ERCC8: variants seen among roughly 807,000 people sequenced by gnomAD.
The protein encoded by ERCC8 is ERCC excision repair 8, CSA ubiquitin ligase complex subunit.
ERCC8 carries 52 observed loss-of-function variants against 54.9 expected under a neutral mutation model. The ratio of observed to expected loss-of-function variants is 0.95; its 90% confidence interval spans 0.76 to 1.19. ERCC8 has a LOEUF of 1.19. Ranked by LOEUF, ERCC8 falls within the 50% of genes most tolerant of loss-of-function variation. The pLI is 0.00. For synonymous variants in ERCC8, 146 were observed against 157.2 expected (o/e 0.93, Z 0.53); for missense variants, 514 against 466.1 (o/e 1.10, Z -0.95).
At chr5:60,900,982 T>C (rs942296195) in intron 7 of ERCC8, 3 of 151,948 alleles carry the variant, frequency 2.0e-5, no homozygotes, top group Non-Finnish European at 4.4e-5. Flanking sequence ...ATCATAAATT[T>C]CAACATCACA....
chr5:60,902,318 A>G (rs1248921822), intron 7 of ERCC8, 124 bp downstream of exon 7: 4 of 726,774 alleles, frequency 5.5e-6, no homozygotes, highest in African/African-American at 5.4e-5. Context: ...CTAAGTCAAT[A>G]CTTCATTTTA....
chr5:60,895,039 C>G (rs574013950), intron 9 of ERCC8, among the ~76,000 whole-genome samples: 1 of 151,828 alleles, frequency 6.6e-6, no homozygotes, highest in African/African-American at 2.4e-5. Context: ...GGCCTGGTGG[C>G]GGGTACCTGT....
At chr5:60,904,747 G>A in intron 5 of ERCC8, 45 bp downstream of exon 5, 1 of 1,231,906 alleles carries the variant, frequency 8.1e-7, no homozygotes, top group South Asian at 1.3e-5. Context: ...TAAAAAGGGA[G>A]AAAGTTTTCA....
Position 60,945,027 on chromosome 5 carries a change from C to G in ERCC8, c.-19G>C. ...CCAGCATATCGTGTCCTCACACCGG[C>G]TGGAGCACTGGACGTCGCCATGACA... On this transcript the variant is annotated 5_prime_UTR_variant, in exon 1 of 12. Coordinates refer to ENST00000676185, the MANE Select transcript of ERCC8 (RefSeq NM_000082.4). 1 of 1,607,630 alleles carries G rather than the reference C, an allele frequency of 6.2e-7. No homozygotes were observed. Among genetic ancestry groups the G allele is most frequent in the Non-Finnish European group, 8.5e-7 (1 of 1,174,092 alleles).
chr5:60,901,919 T>A (rs997704599), intron 7 of ERCC8, among the ~76,000 whole-genome samples: 2 of 152,076 alleles, frequency 1.3e-5, no homozygotes, highest in Non-Finnish European at 2.9e-5. Flanking sequence ...CTACCAGAGA[T>A]GTACCTCTAT....
intron 6 of ERCC8, 76 bp from the exon 7 acceptor site, chr5:60,902,584 G>T: frequency 8.2e-7 from 1 of 1,222,744 alleles, no homozygotes; most frequent in South Asian, 1.2e-5. Flanking sequence ...AATTTTGCCT[G>T]ATTCTGAAGA....
intron 11 of ERCC8, among the ~76,000 whole-genome samples, chr5:60,880,412 G>C (rs1000583283): frequency 6.6e-6 from 1 of 152,172 alleles, no homozygotes; most frequent in African/African-American, 2.4e-5. Context: ...ATGTTGGCCT[G>C]ACTTGCTAGA....
intron 11 of ERCC8, among the ~76,000 whole-genome samples, chr5:60,884,824 T>C (rs1400211844): frequency 6.6e-6 from 1 of 152,150 alleles, no homozygotes; most frequent in Admixed American, 6.5e-5. Context: ...TATATGAACA[T>C]GACATTTTAA....
intron 2 of ERCC8, among the ~76,000 whole-genome samples, chr5:60,925,942 G>A (rs1426251341): frequency 6.6e-6 from 1 of 152,122 alleles, no homozygotes; most frequent in Non-Finnish European, 1.5e-5. Flanking sequence ...TCCTGCCTCA[G>A]CCTCCAGAGT....
At chr5:60,932,196 A>C (rs187589876) in intron 1 of ERCC8, 1 of 152,430 alleles carries the variant, frequency 6.6e-6, no homozygotes, top group Non-Finnish European at 1.5e-5. Flanking sequence ...AATACTATAA[A>C]GGGAAAGAGA....
intron 4 of ERCC8, chr5:60,907,582 C>T (rs1749115859): frequency 6.6e-6 from 1 of 151,950 alleles, no homozygotes; most frequent in South Asian, 2.1e-4. Flanking sequence ...TGAGATTCCT[C>T]CCCATTTTTA....
At chr5:60,893,114 T>C in intron 9 of ERCC8, 1 of 778,616 alleles carries the variant, frequency 1.3e-6, no homozygotes, top group Non-Finnish European at 2.3e-6. Context: ...TGTTGCCTTC[T>C]GCCCATAGGA....
At chr5:60,893,573 A>C (rs1379847867) in intron 9 of ERCC8, 3 of 666,060 alleles carry the variant, frequency 4.5e-6, no homozygotes, top group Non-Finnish European at 2.8e-6. Context: ...TCTAAGTTTC[A>C]TCATCATGAT....
chr5:60,904,630 GTGTGTATATATATATATATATATA>G (rs1435219954), intron 5 of ERCC8, among the ~76,000 whole-genome samples, 138 bp downstream of exon 5: 53 of 44,580 alleles, frequency 1.2e-3, no homozygotes, highest in Admixed American at 1.8e-3. Context: ...TAGTGTGTGT[GTGTGTATATATATATATATATATA>G]TATATATATA....
At chr5:60,893,457 G>T in intron 9 of ERCC8, 1 of 959,088 alleles carries the variant, frequency 1.0e-6, no homozygotes, top group Non-Finnish European at 1.7e-6. Flanking sequence ...TCATTGGAGT[G>T]AACAAACTGA....
At chr5:60,879,132 T>A (rs534749257) in intron 11 of ERCC8, among the ~76,000 whole-genome samples, 1 of 152,258 alleles carries the variant, frequency 6.6e-6, no homozygotes. Context: ...ATGTACCCAG[T>A]AGTCATTCAG....
intron 1 of ERCC8, among the ~76,000 whole-genome samples, chr5:60,943,958 A>G (rs930944593): frequency 6.6e-6 from 1 of 152,216 alleles, no homozygotes; most frequent in Non-Finnish European, 1.5e-5. Context: ...ACTAATATTT[A>G]AATTTCTCCA....
intron 1 of ERCC8, among the ~76,000 whole-genome samples, chr5:60,941,498 G>A (rs1750256383): frequency 6.6e-6 from 1 of 151,844 alleles, no homozygotes; most frequent in South Asian, 2.1e-4. Context: ...AGAGTGTAGT[G>A]TTGAAAAAAC....
rs1561519125 is a variant in ERCC8 at position 60,938,080 on chromosome 5, TATATA to T, written c.77+6847_77+6851del. Among the ~76,000 whole-genome samples the T allele has an allele frequency of 5.1e-3, 124 of 24,216 alleles. 1 individual carries two copies. Among genetic ancestry groups the T allele is most frequent in the South Asian group, 0.013 (9 of 708 alleles). The allele number at this position is 24,216 out of a possible 152,430, so 15.9% of individuals were successfully genotyped here. A position where few individuals can be genotyped will look rare whatever the true frequency, so the allele number is the denominator to read the frequency against. On this transcript the variant is annotated intron_variant, in intron 1 of 11. Coordinates refer to ENST00000676185, the MANE Select transcript of ERCC8 (RefSeq NM_000082.4). ...ATATATATATATATATATATATATATATATATTTTATTTTTTTTTTTTTTAGGTTA... is the reference window on the plus strand; with the variant it reads ...ATATATATATATATATATATATATATTTTTATTTTTTTTTTTTTTAGGTTA...
Sources: gnomAD v4.1 joint callset for allele counts (sites outside exome capture counted in the v4.1 genomes callset) on GRCh38, gnomAD v4.1.1 for gene constraint, MANE v1.5 for transcripts, NCBI Gene and HGNC (gene_info 2026-07-23, HGNC 2026-07-21) for gene names.